The following CLEC12A variants were observed in gnomAD, a reference collection of about 807,000 sequenced individuals.
CLEC12A encodes C-type lectin domain family 12 member A.
In CLEC12A, 22 loss-of-function variants were observed where a neutral mutation model predicts 26.5. The ratio of observed to expected loss-of-function variants is 0.83; its 90% CI spans 0.59 to 1.19. CLEC12A has a LOEUF of 1.19. Ranked by LOEUF, CLEC12A falls within the 50% of genes most tolerant of loss-of-function variation. The pLI is 0.00. For missense variants in CLEC12A, 353 were observed against 315.6 expected, an observed-to-expected ratio of 1.12 and a Z score of -0.90; for synonymous variants, 119 against 101.9, an observed-to-expected ratio of 1.17 and a Z score of -1.01.
downstream of CLEC12A, among the ~76,000 whole-genome samples, chr12:9,987,730 A>G (rs1385124815): frequency 6.6e-6 from 1 of 151,582 alleles, no homozygotes; most frequent in East Asian, 1.9e-4. Flanking sequence ...AATTCTGTTA[A>G]CCTGTATGTT....
chr12:9,959,833 C>T (rs896416707), intron 1 of CLEC12A, among the ~76,000 whole-genome samples: 1 of 152,150 alleles, frequency 6.6e-6, no homozygotes, highest in African/African-American at 2.4e-5. Flanking sequence ...AGCTCTTAGC[C>T]CCTTTCAAAA....
downstream of CLEC12A, among the ~76,000 whole-genome samples, chr12:9,989,068 A>G (rs1203670993): frequency 5.3e-5 from 8 of 152,168 alleles, no homozygotes; most frequent in African/African-American, 1.9e-4. Flanking sequence ...TTGTAGGGAC[A>G]TGGATGAAGC....
intron 1 of CLEC12A, among the ~76,000 whole-genome samples, chr12:9,977,307 T>C (rs1252642881): frequency 2.6e-5 from 4 of 152,348 alleles, no homozygotes; most frequent in Admixed American, 6.5e-5. Context: ...TTCTTACTGA[T>C]AAAACAACTC....
chr12:9,986,797 C>A (rs547289199), downstream of CLEC12A, among the ~76,000 whole-genome samples: 2 of 152,144 alleles, frequency 1.3e-5, no homozygotes, highest in South Asian at 4.1e-4. Flanking sequence ...GGTGACAGAG[C>A]AAGATTCCAT....
At chr12:9,965,516 G>A (rs1269372465) in intron 1 of CLEC12A, among the ~76,000 whole-genome samples, 4 of 151,132 alleles carry the variant, frequency 2.6e-5, no homozygotes, top group East Asian at 2.0e-4. Context: ...AAGAGAGGCT[G>A]GGATGACGGG....
upstream of CLEC12A, among the ~76,000 whole-genome samples, chr12:9,971,042 C>G (rs1864107931): frequency 6.6e-6 from 1 of 152,132 alleles, no homozygotes; most frequent in Non-Finnish European, 1.5e-5. Context: ...CTTGGGAGTG[C>G]TCTCTGTATG....
At chr12:9,980,138 A>G (rs1864496811) in intron 3 of CLEC12A, among the ~76,000 whole-genome samples, 1 of 152,188 alleles carries the variant, frequency 6.6e-6, no homozygotes, top group South Asian at 2.1e-4. Context: ...ATTGTCTTTA[A>G]AGAATATACA....
chr12:9,954,572 G>C (rs1465558394), intron 1 of CLEC12A, among the ~76,000 whole-genome samples: 1 of 152,132 alleles, frequency 6.6e-6, no homozygotes, highest in African/African-American at 2.4e-5. Flanking sequence ...TTACCTATCA[G>C]AACAAATAAA....
intron 4 of CLEC12A, among the ~76,000 whole-genome samples, chr12:9,994,762 T>C (rs902507000): frequency 5.3e-5 from 8 of 152,064 alleles, no homozygotes; most frequent in African/African-American, 1.9e-4. Context: ...TGATATGAAA[T>C]TTTGTTTTAA....
chr12:10,005,577 G>C, the CLEC12A span, among the ~76,000 whole-genome samples: 1 of 152,184 alleles, frequency 6.6e-6, no homozygotes, highest in Non-Finnish European at 1.5e-5. Flanking sequence ...ATAAAGCACA[G>C]AGGTTCAATA....
At chr12:9,953,638 G>A (rs1464417527) in intron 1 of CLEC12A, among the ~76,000 whole-genome samples, 3 of 150,770 alleles carry the variant, frequency 2.0e-5, no homozygotes, top group Non-Finnish European at 3.0e-5. Context: ...GGTGAGGGGC[G>A]CCTCTGCCCG....
chr12:9,980,961 A>T (rs1199204316), intron 4 of CLEC12A, among the ~76,000 whole-genome samples: 2 of 152,218 alleles, frequency 1.3e-5, no homozygotes. Context: ...ATTACAGGGC[A>T]CCCAGAATCT....
At position 9,982,000 on chromosome 12, in the gene CLEC12A, A is replaced by T. The variant is rs779796074; in HGVS notation, c.532-20A>T. 5 of 1,188,898 alleles carry T rather than the reference A, an allele frequency of 4.2e-6. No individual in the cohort carries two copies. In the South Asian group the frequency reaches 6.4e-5, roughly 15 times the overall value. 73.6% of individuals were successfully genotyped at this position (1,188,898 alleles called of 1,614,324 possible). ...AAGTAGGAGACTGTTTCTTAAACAG[A>T]CTATCTGTATTTCCTGTAGGAATTT... On this transcript the variant is annotated intron_variant, in intron 4 of 5. Coordinates refer to ENST00000304361, the MANE Select transcript of CLEC12A (RefSeq NM_138337.6).
chr12:9,970,502 C>T (rs776598535), upstream of CLEC12A, among the ~76,000 whole-genome samples: 3 of 152,082 alleles, frequency 2.0e-5, no homozygotes, highest in Non-Finnish European at 2.9e-5. Context: ...GATTTACTAA[C>T]GAATATTAGA....
At chr12:9,973,554 GT>G (rs978617290) in intron 1 of CLEC12A, among the ~76,000 whole-genome samples, 2 of 152,106 alleles carry the variant, frequency 1.3e-5, no homozygotes, top group African/African-American at 4.8e-5. Flanking sequence ...CTGCCCCAGA[GT>G]TGAATATTGC....
chr12:9,964,811 C>T (rs1863901277), intron 1 of CLEC12A, among the ~76,000 whole-genome samples: 1 of 152,020 alleles, frequency 6.6e-6, no homozygotes, highest in African/African-American at 2.4e-5. Flanking sequence ...CCTGGTGGAA[C>T]TACTATGAAT....
At chr12:9,983,722 G>C in intron 5 of CLEC12A, 1 of 477,542 alleles carries the variant, frequency 2.1e-6, no homozygotes, top group Non-Finnish European at 3.7e-6. Context: ...ATGGCAAATA[G>C]AATTTTTTGT....
chr12:9,957,333 C>T (rs995931364), intron 1 of CLEC12A, among the ~76,000 whole-genome samples: 4 of 151,816 alleles, frequency 2.6e-5, no homozygotes, highest in African/African-American at 9.7e-5. Context: ...ACTAAAAATA[C>T]AAAAATTAGC....
downstream of CLEC12A, among the ~76,000 whole-genome samples, chr12:9,988,057 T>C (rs1450937103): frequency 3.9e-5 from 6 of 152,144 alleles, no homozygotes; most frequent in Non-Finnish European, 7.4e-5. Flanking sequence ...GAAGACATGA[T>C]TGATTTTGAA....
Sources: gnomAD v4.1 joint callset for allele counts (sites outside exome capture counted in the v4.1 genomes callset) on GRCh38, gnomAD v4.1.1 for gene constraint, MANE v1.5 for transcripts, NCBI Gene and HGNC (gene_info 2026-07-23, HGNC 2026-07-21) for gene names.